The following NRDE2 variants were observed in gnomAD, a reference collection of about 807,000 sequenced individuals.
NRDE2 encodes the protein NRDE-2, necessary for RNA interference, domain containing, also known as nuclear exosome regulator NRDE2.
Under a neutral mutation model 124.2 loss-of-function variants are expected in NRDE2, and 76 were observed. The ratio of observed to expected loss-of-function variants is 0.61; its 90% CI spans 0.51 to 0.74. The LOEUF is 0.74. Ranked by LOEUF, NRDE2 falls within the 30% of genes least tolerant of loss-of-function variation. The pLI is 0.00. For synonymous variants in NRDE2, 489 were observed against 528.1 expected, an observed-to-expected ratio of 0.93 and a Z score of 1.01; for missense variants, 1,314 against 1,417.3, an observed-to-expected ratio of 0.93 and a Z score of 1.17.
At chr14:90,301,121 A>C (rs1884383626) in intron 7 of NRDE2, 118 bp downstream of exon 7, 5 of 1,020,582 alleles carry the variant, frequency 4.9e-6, no homozygotes, top group Middle Eastern at 6.4e-4. Flanking sequence ...ATGATATTTT[A>C]AAAACACTAC....
chr14:90,330,214 A>AAT (rs1555362758), intron 1 of NRDE2, among the ~76,000 whole-genome samples: 1,513 of 139,298 alleles, frequency 0.011, 21 homozygotes, highest in African/African-American at 0.036. Context: ...CTCAAAAAAA[A>AAT]AAATAAATAA....
intron 1 of NRDE2, among the ~76,000 whole-genome samples, chr14:90,328,865 G>T (rs1397737056): frequency 6.6e-6 from 1 of 152,182 alleles, no homozygotes; most frequent in Non-Finnish European, 1.5e-5. Flanking sequence ...GATTTATACT[G>T]AAAGAGACCT....
At chr14:90,316,528 G>T in intron 3 of NRDE2, 50 bp downstream of exon 3, 3 of 1,361,986 alleles carry the variant, frequency 2.2e-6, no homozygotes, top group Non-Finnish European at 3.1e-6. Flanking sequence ...AATTAAGGGA[G>T]AAAAACTCAA....
intron 1 of NRDE2, among the ~76,000 whole-genome samples, chr14:90,330,185 C>T (rs986974872): frequency 3.2e-5 from 3 of 93,198 alleles, no homozygotes; most frequent in Admixed American, 1.2e-4. Flanking sequence ...CCAGCTTGGG[C>T]GACAGAGCAA....
chr14:90,326,157 G>A (rs1226842828), intron 1 of NRDE2, among the ~76,000 whole-genome samples: 2 of 150,932 alleles, frequency 1.3e-5, no homozygotes, highest in East Asian at 2.0e-4. Flanking sequence ...AGTGTAGAGC[G>A]ATCTCCAGGA....
Position 90,298,372 on chromosome 14 carries a change from G to C in NRDE2, c.1554C>G (p.Phe518Leu). Residue 518 changes from phenylalanine to leucine, a missense_variant, in exon 8 of 14, where the codon TTC becomes TTG. Phe to Leu is a conservative substitution (Grantham distance 22, BLOSUM62 0). Transcript: ENST00000354366. ...CTCCACTGTCCCAAAAGGGTTCAAA[G>C]AATTCCACCTGTTCAGATTTTAGAA... is the stretch of plus-strand genomic sequence containing the variant. Reference protein sequence around the residue: ...KDLPTKGQVEFFEPFWDSGEP... With the variant: ...KDLPTKGQVELFEPFWDSGEP... 1 of 1,613,748 alleles carries C rather than the reference G, an allele frequency of 6.2e-7. No individual in the cohort carries two copies. The highest frequency in any genetic ancestry group is 8.5e-7 in the Non-Finnish European group (1 of 1,180,016).
chr14:90,269,535 A>C lies in NRDE2; in HGVS notation c.*8801T>G. The C allele has an allele frequency of 6.2e-7, 1 of 1,613,850 alleles. No individual in the cohort carries two copies. Among genetic ancestry groups the C allele is most frequent in the African/African-American group, 1.3e-5 (1 of 75,046 alleles). On this transcript the variant is annotated 3_prime_UTR_variant, in exon 14 of 14. Transcript: ENST00000354366. ...ACCGAATAGAAACTTTGGATCCAGC[A>C]CTTATCAGACCAGGTTAAATTTGCT...
At chr14:90,326,578 A>G (rs1417049419) in intron 1 of NRDE2, among the ~76,000 whole-genome samples, 1 of 151,914 alleles carries the variant, frequency 6.6e-6, no homozygotes, top group Non-Finnish European at 1.5e-5. Flanking sequence ...GGAGGATACC[A>G]TGGGCTAATG....
At position 90,321,921 on chromosome 14, in the gene NRDE2, G is replaced by A. The variant is rs146795346; in HGVS notation, c.65-3808C>T. ...CTCTAGTTGGGAGTTCAGAGGGAGG[G>A]GCTGGGTCTGAGATGGCTCTTCAGA... On this transcript the variant is annotated intron_variant, in intron 1 of 13. Transcript: ENST00000354366. Among the ~76,000 whole-genome samples, 858 of 152,226 alleles carry A rather than the reference G, an allele frequency of 5.6e-3. 6 individuals are homozygous for A. The highest frequency in any genetic ancestry group is 0.014 in the Middle Eastern group (4 of 294).
rs1376576422 is a variant in NRDE2, at chr14:90,275,329, A to C, written c.*3007T>G. 6.6e-6 allele frequency: 1 copy of C among 152,178 alleles called. No individual in the cohort carries two copies. Among genetic ancestry groups the C allele is most frequent in the Non-Finnish European group, 1.5e-5 (1 of 68,044 alleles). The allele number at this position is 152,178 out of a possible 1,614,324, so 9.4% of individuals were successfully genotyped here. A position where few individuals can be genotyped will look rare whatever the true frequency, so the allele number is the denominator to read the frequency against. On this transcript the variant is annotated 3_prime_UTR_variant, in exon 14 of 14. Coordinates refer to ENST00000354366, the MANE Select transcript of NRDE2 (RefSeq NM_017970.4). ...AGTGTCTGTATCGTGGGCGGGTAGC[A>C]GACTCTCAGCAACTGACTCACACGG...
rs1228805676 is a variant in NRDE2 at position 90,276,233 on chromosome 14, T to TTG, written c.*2102_*2103insCA. 3 of 150,748 alleles carry TTG rather than the reference T, an allele frequency of 2.0e-5. No homozygotes were observed. The East Asian group carries it at 5.9e-4, about 30-fold the overall frequency. 9.3% of individuals were successfully genotyped at this position (150,748 alleles called of 1,614,324 possible). A position where few individuals can be genotyped will look rare whatever the true frequency, so the allele number is the denominator to read the frequency against. On this transcript the variant is annotated 3_prime_UTR_variant, in exon 14 of 14. Transcript: ENST00000354366. Reference sequence around the variant, plus strand: ...AAACGGGCTGTTTTTTTTTTTTTTTTTTCGAGACGGAGTCTTGCTGTGTCG... The same window carrying TTG: ...AAACGGGCTGTTTTTTTTTTTTTTTTTGTTCGAGACGGAGTCTTGCTGTGTCG...
chr14:90,322,920 C>T (rs1286350639), intron 1 of NRDE2, among the ~76,000 whole-genome samples: 1 of 152,148 alleles, frequency 6.6e-6, no homozygotes, highest in Admixed American at 6.5e-5. Context: ...CAATACTAAG[C>T]AAGATGTAAC....
intron 8 of NRDE2, among the ~76,000 whole-genome samples, chr14:90,294,163 A>C (rs142553602): frequency 6.6e-6 from 1 of 152,260 alleles, no homozygotes; most frequent in Non-Finnish European, 1.5e-5. Flanking sequence ...ATCTCAGGGA[A>C]GTTATGCTAA....
rs184857966 is a variant in NRDE2, at chr14:90,275,079, G to A, written c.*3257C>T. ...GCCAAAGATGCTTAGCCTGAATCCA[G>A]TGCTGAGGAAACACCAGGCAAACAC... On this transcript the variant is annotated 3_prime_UTR_variant, in exon 14 of 14. Coordinates refer to ENST00000354366, the MANE Select transcript of NRDE2 (RefSeq NM_017970.4). The A allele has an allele frequency of 8.5e-5, 13 of 152,340 alleles. No individual in the cohort carries two copies. The East Asian group carries it at 2.3e-3, about 27-fold the overall frequency. 9.4% of individuals were successfully genotyped at this position (152,340 alleles called of 1,614,324 possible).
At position 90,270,515 on chromosome 14, in the gene NRDE2, A is replaced by G. The variant is rs558034966; in HGVS notation, c.*7821T>C. On this transcript the variant is annotated 3_prime_UTR_variant, in exon 14 of 14. Coordinates refer to ENST00000354366, the MANE Select transcript of NRDE2 (RefSeq NM_017970.4). ...CATCCAAATGGTATATGTGCTTGAT[A>G]TTGAAGTCATTCTTAATGCATCATT... 25 of 750,832 alleles carry G rather than the reference A, an allele frequency of 3.3e-5. No homozygotes were observed. The East Asian group carries it at 6.3e-4, about 19-fold the overall frequency. The allele number at this position is 750,832 out of a possible 1,614,324, so 46.5% of individuals were successfully genotyped here.
At chr14:90,289,663 C>T (rs1892215021) in intron 10 of NRDE2, among the ~76,000 whole-genome samples, 2 of 152,240 alleles carry the variant, frequency 1.3e-5, no homozygotes, top group African/African-American at 4.8e-5. Flanking sequence ...TCTCAGTTCA[C>T]GGCAACCTCT....
At position 90,268,620 on chromosome 14, in the gene NRDE2, T is replaced by C. The variant is rs942004908; in HGVS notation, c.*9716A>G. 9.2e-6 allele frequency: 5 copies of C among 540,722 alleles called. No individual in the cohort carries two copies. In the East Asian group the frequency reaches 9.4e-5, roughly 10 times the overall value. 33.5% of individuals were successfully genotyped at this position (540,722 alleles called of 1,614,324 possible). A position where few individuals can be genotyped will look rare whatever the true frequency, so the allele number is the denominator to read the frequency against. ...AACGTCTGGAGAGATTGGTCAGTTATGAATAACCATGTCTTGAGCACCCGC... is the reference window on the plus strand; with the variant it reads ...AACGTCTGGAGAGATTGGTCAGTTACGAATAACCATGTCTTGAGCACCCGC... On this transcript the variant is annotated 3_prime_UTR_variant, in exon 14 of 14. Transcript: ENST00000354366.
At chr14:90,305,623 G>A (rs1447601672) in intron 4 of NRDE2, among the ~76,000 whole-genome samples, 1 of 152,172 alleles carries the variant, frequency 6.6e-6, no homozygotes. Context: ...CCTTATGGAC[G>A]GATGATCTCA....
At chr14:90,285,307 TTTTC>T (rs1405489592) in intron 12 of NRDE2, among the ~76,000 whole-genome samples, 2 of 119,618 alleles carry the variant, frequency 1.7e-5, no homozygotes, top group Non-Finnish European at 3.8e-5. Flanking sequence ...TTGATTTTTT[TTTTC>T]TTTTTTTTGA....
Sources: allele counts gnomAD v4.1 joint callset (sites outside exome capture counted in the v4.1 genomes callset), GRCh38; gene constraint gnomAD v4.1.1; transcripts MANE v1.5; gene names NCBI Gene and HGNC (gene_info 2026-07-23, HGNC 2026-07-21).